Variants in MPZ observed in about 807,000 individuals in gnomAD.
The protein encoded by MPZ is myelin protein P0.
In MPZ, 13 loss-of-function variants were observed where a neutral mutation model predicts 27.9. The observed-to-expected ratio is 0.47, with a 90% CI of 0.30 to 0.74. The LOEUF is 0.74. MPZ is among the 30% of genes least tolerant of loss of function. The probability of loss-of-function intolerance (pLI) is 0.06; values close to 1 mark genes in which losing one functional copy is unlikely to be tolerated. For missense variants in MPZ, 256 were observed against 317.5 expected (o/e 0.81, Z 1.47); for synonymous variants, 118 against 128.9 (o/e 0.92, Z 0.57).
downstream of MPZ, among the ~76,000 whole-genome samples, chr1:161,304,417 A>G (rs1020204492): frequency 6.6e-6 from 1 of 152,224 alleles, no homozygotes; most frequent in Non-Finnish European, 1.5e-5. Context: ...AAGTCAGGTA[A>G]CTGTCCTGGG....
chr1:161,307,407 C>T lies in MPZ; in HGVS notation c.85G>A (p.Ala29Thr). 2 of 1,614,200 alleles carry T rather than the reference C, an allele frequency of 1.2e-6. No homozygotes were observed. Among genetic ancestry groups the T allele is most frequent in the Non-Finnish European group, 1.7e-6 (2 of 1,180,040 alleles). Residue 29 changes from alanine to threonine, a missense_variant, in exon 2 of 6, where the codon GCC becomes ACC. Coordinates refer to ENST00000533357, the MANE Select transcript of MPZ (RefSeq NM_000530.8). ...TCCCTGTCGGTGTAAACCACGATGG[C>T]CTGGGCCGGGGACAGCACTGCAAGC... ...FSSLVLSPAQAIVVYTDREVH... is the reference protein window; with the variant it reads ...FSSLVLSPAQTIVVYTDREVH...
rs1010867845 is a variant in MPZ, at chr1:161,307,479, G to A, written c.68-55C>T. On this transcript the variant is annotated intron_variant, in intron 1 of 5. Transcript: ENST00000533357. ...ACCTATGGGCCCAGTAAGGGATACA[G>A]AGGAAGTGAGATCAGTAGGAAATCA... 5 of 1,599,840 alleles carry A rather than the reference G, an allele frequency of 3.1e-6. No individual in the cohort carries two copies. The African/African-American group carries it at 4.0e-5, about 13-fold the overall frequency.
chr1:161,309,849 G>C lies in MPZ; in HGVS notation c.57C>G (p.Phe19Leu). ...AGTGGCTCCACTTACCCAAAGAAGA[G>C]AAGAGCAGCACAGCCAGGATAGGGC... ...SPSPILAVLL[F>L]SSLVLSPAQA... is the part of the protein sequence containing the mutation. The change falls in exon 1 of 6, where the codon TTC becomes TTG. Residue 19 changes from phenylalanine (F) to leucine (L), a missense_variant. Physicochemically the swap from Phe to Leu is conservative, Grantham distance 22. Around this residue, in one of 2 missense-constraint regions of MPZ, gnomAD observed 155 missense variants for 223.9 expected, o/e 0.69. Coordinates refer to ENST00000533357, the MANE Select transcript of MPZ (RefSeq NM_000530.8). 1 of 1,584,258 alleles carries C rather than the reference G, an allele frequency of 6.3e-7. No individual in the cohort carries two copies. Among genetic ancestry groups the C allele is most frequent in the South Asian group, 1.2e-5 (1 of 86,310 alleles).
At chr1:161,306,250 C>T in intron 4 of MPZ, 79 bp downstream of exon 4, 2 of 1,612,368 alleles carry the variant, frequency 1.2e-6, no homozygotes, top group South Asian at 1.1e-5. Flanking sequence ...CCCCTTGGCC[C>T]TCCCACCCAC....
chr1:161,303,905 G>A (rs957497822), downstream of MPZ, among the ~76,000 whole-genome samples: 2 of 152,124 alleles, frequency 1.3e-5, no homozygotes, highest in Non-Finnish European at 2.9e-5. Context: ...ACAAATGGAA[G>A]CACTCTGGGT....
chr1:161,309,552 A>ATTTTTTTTTTTTTTTTTTTTTTTTT (rs1215409194), intron 1 of MPZ, among the ~76,000 whole-genome samples: 2 of 80,658 alleles, frequency 2.5e-5, no homozygotes, highest in African/African-American at 5.8e-5. Flanking sequence ...ATATATATAT[A>ATTTTTTTTTTTTTTTTTTTTTTTTT]TTTTTTTTTT....
intron 1 of MPZ, among the ~76,000 whole-genome samples, chr1:161,309,560 T>A (rs1277570258): frequency 4.3e-5 from 5 of 115,174 alleles, no homozygotes; most frequent in African/African-American, 1.0e-4. Flanking sequence ...ATATTTTTTT[T>A]TTTTTTGAAT....
chr1:161,308,678 C>G (rs1366270688), intron 1 of MPZ, among the ~76,000 whole-genome samples: 1 of 152,220 alleles, frequency 6.6e-6, no homozygotes, highest in Non-Finnish European at 1.5e-5. Flanking sequence ...AGATAATTCA[C>G]TGGCTCTAAC....
chr1:161,307,464 C>G, intron 1 of MPZ, 40 bp from the exon 2 acceptor site: 1 of 1,611,218 alleles, frequency 6.2e-7, no homozygotes, highest in Non-Finnish European at 8.5e-7. Flanking sequence ...ACCTATGGGC[C>G]CAGTAAGGGA....
intron 2 of MPZ, 92 bp from the exon 3 acceptor site, chr1:161,307,013 G>GCAAAAAAAAAAAAAAAA: frequency 1.6e-5 from 1 of 64,082 alleles, no homozygotes; most frequent in Non-Finnish European, 2.6e-5. Context: ...AAAGAAAAAA[G>GCAAAAAAAAAAAAAAAA]CAAAAAAAAA....
In MPZ at chr1:161,307,243, C is replaced by T. The variant is rs1017301118; in HGVS notation, c.234+15G>A. 1.2e-6 allele frequency: 2 copies of T among 1,614,128 alleles called. No individual in the cohort carries two copies. The highest frequency in any genetic ancestry group is 1.7e-6 in the Non-Finnish European group (2 of 1,179,996). On this transcript the variant is annotated intron_variant, in intron 2 of 5. Transcript: ENST00000533357. Reference sequence around the variant, plus strand: ...CTTTCTGTTATCCAACCCCAGGATTCCCCCAGGCACTCACCGAAATGGCAT... The same window carrying T: ...CTTTCTGTTATCCAACCCCAGGATTTCCCCAGGCACTCACCGAAATGGCAT...
chr1:161,306,980 C>G, intron 2 of MPZ, 59 bp from the exon 3 acceptor site: 1 of 651,156 alleles, frequency 1.5e-6, no homozygotes, highest in East Asian at 5.1e-5. Flanking sequence ...GCTGTCAAAG[C>G]TTAGCTCCAT....
chr1:161,307,176 C>A, intron 2 of MPZ, 82 bp downstream of exon 2: 1 of 1,563,064 alleles, frequency 6.4e-7, no homozygotes, highest in South Asian at 1.1e-5. Context: ...AGGATTTCCC[C>A]CTCCTTAGCC....
intron 5 of MPZ, 64 bp downstream of exon 5, chr1:161,306,044 A>C: frequency 6.2e-7 from 1 of 1,609,446 alleles, no homozygotes; most frequent in South Asian, 1.1e-5. Flanking sequence ...CCCACCCCTC[A>C]CTGCTGCCCG....
chr1:161,309,765 T>C (rs1670357595), intron 1 of MPZ, 74 bp downstream of exon 1: 13 of 1,184,606 alleles, frequency 1.1e-5, no homozygotes, highest in Non-Finnish European at 1.5e-5. Flanking sequence ...CAGTGGGGAG[T>C]GCAGCAAAGG....
Position 161,309,523 on chromosome 1 carries a change from T to C in MPZ, c.67+316A>G, listed in dbSNP as rs1041412351. Among the ~76,000 whole-genome samples, 93 of 142,682 alleles carry C rather than the reference T, an allele frequency of 6.5e-4. 1 individual carries two copies. Among genetic ancestry groups the C allele is most frequent in the African/African-American group, 2.4e-3 (90 of 37,822 alleles). 93.6% of individuals were successfully genotyped at this position (142,682 alleles called of 152,430 possible). ...TCTACTTCCTCCCTCTAAATGCATA[T>C]TTTTTTCTTTTCATATATATATATA... On this transcript the variant is annotated intron_variant, in intron 1 of 5. Coordinates refer to ENST00000533357, the MANE Select transcript of MPZ (RefSeq NM_000530.8).
chr1:161,309,552 A>ATATATTTTTTTTTTTTTTTTTTTT, intron 1 of MPZ, among the ~76,000 whole-genome samples: 5 of 80,662 alleles, frequency 6.2e-5, no homozygotes, highest in African/African-American at 1.2e-4. Flanking sequence ...ATATATATAT[A>ATATATTTTTTTTTTTTTTTTTTTT]TTTTTTTTTT....
chr1:161,306,864 G>A lies in MPZ; in HGVS notation c.292C>T (p.Arg98Cys), dbSNP rs121913590. 1.9e-6 allele frequency: 3 copies of A among 1,613,782 alleles called. No homozygotes were observed. Among genetic ancestry groups the A allele is most frequent in the African/African-American group, 1.3e-5 (1 of 74,832 alleles). ...CGAGGGTCCCCTACCCACTGGATGC[G>A]CTCTTTGAAGGTCCCCACCTCGTCA... The part of the protein sequence containing the change: ...YIDEVGTFKE[R>C]IQWVGDPRWK... Residue 98 changes from arginine (R) to cysteine (C), a missense_variant, in exon 3 of 6, where the codon CGC becomes TGC. Arg to Cys is a radical substitution (Grantham distance 180, BLOSUM62 -3). This residue lies in a region of MPZ where 155 missense variants were observed against 223.9 expected (regional missense o/e 0.69). Coordinates refer to ENST00000533357, the MANE Select transcript of MPZ (RefSeq NM_000530.8).
Position 161,309,742 on chromosome 1 carries a change from C to G in MPZ, c.67+97G>C, listed in dbSNP as rs543495761. ...TGTCACCTTCCTGCTCCTGCTTGTT[C>G]TTTCTTTGGTTGCAGTGGGGAGTGC... On this transcript the variant is annotated intron_variant, in intron 1 of 5. Coordinates refer to ENST00000533357, the MANE Select transcript of MPZ (RefSeq NM_000530.8). The G allele has an allele frequency of 3.1e-3, 3,087 of 999,656 alleles. 13 individuals are homozygous for G. Among genetic ancestry groups the G allele is most frequent in the Non-Finnish European group, 4.2e-3 (2,683 of 644,666 alleles). 61.9% of individuals were successfully genotyped at this position (999,656 alleles called of 1,614,324 possible).
Sources: allele counts gnomAD v4.1 joint callset (sites outside exome capture counted in the v4.1 genomes callset), GRCh38; gene constraint gnomAD v4.1.1; regional missense constraint gnomAD v4.1.1; transcripts MANE v1.5; gene names NCBI Gene and HGNC (gene_info 2026-07-23, HGNC 2026-07-21).